The following CYFIP1 variants were observed in gnomAD, a reference collection of about 807,000 sequenced individuals.
CYFIP1 encodes the protein cytoplasmic FMR1 interacting protein 1, also known as cytoplasmic FMR1-interacting protein 1.
A neutral mutation model predicts 163.5 loss-of-function variants in CYFIP1; 58 were observed. The observed-to-expected ratio is 0.35, with a 90% CI of 0.29 to 0.44. The LOEUF (loss-of-function observed/expected upper bound fraction) is 0.44, where lower values mean the gene tolerates loss of function less well. CYFIP1 is among the 20% of genes least tolerant of loss of function. CYFIP1 has a pLI of 1.00. For missense variants in CYFIP1, 1,338 were observed against 1,653.8 expected (o/e 0.81, Z 3.31); for synonymous variants, 663 against 660.7 (o/e 1.00, Z -0.05).
At position 22,914,945 on chromosome 15, in the gene CYFIP1, T is replaced by C. The variant is rs558407174; in HGVS notation, c.1829-63A>G. 8 of 1,528,580 alleles carry C rather than the reference T, an allele frequency of 5.2e-6. No individual in the cohort carries two copies. The East Asian group carries it at 9.2e-5, about 18-fold the overall frequency. 94.7% of individuals were successfully genotyped at this position (1,528,580 alleles called of 1,614,324 possible). On this transcript the variant is annotated intron_variant, in intron 16 of 30. Transcript: ENST00000617928. ...AGCAAAAAAAAACCTTTAGCAGAGA[T>C]GACACAAGGGCTGTGTGCTGGGTGC...
rs567941001 is a variant in CYFIP1 at position 22,951,632 on chromosome 15, G to C, written c.-6-4341C>G. 3.6e-3 allele frequency: 3,995 copies of C among 1,099,972 alleles called. 40 individuals are homozygous for C. Among genetic ancestry groups the C allele is most frequent in the Non-Finnish European group, 3.2e-3 (2,684 of 835,366 alleles). The allele number at this position is 1,099,972 out of a possible 1,614,324, so 68.1% of individuals were successfully genotyped here. A position where few individuals can be genotyped will look rare whatever the true frequency, so the allele number is the denominator to read the frequency against. On this transcript the variant is annotated intron_variant, in intron 1 of 30. Transcript: ENST00000617928. ...CTGGGGGCGTGTCCAGTCATGCCCG[G>C]GCCCCACGCGGGTCAACAAGAAGAC...
At chr15:22,886,310 T>C (rs1362925284) in intron 23 of CYFIP1, among the ~76,000 whole-genome samples, 3 of 152,160 alleles carry the variant, frequency 2.0e-5, no homozygotes, top group African/African-American at 7.2e-5. Flanking sequence ...AGGACACCCC[T>C]CAGCTTGTCT....
At chr15:22,904,212 C>T (rs972039396) in intron 21 of CYFIP1, 4 of 451,806 alleles carry the variant, frequency 8.9e-6, no homozygotes, top group South Asian at 2.2e-5. Context: ...CCCATGTGCC[C>T]GCTGAGCCCC....
chr15:22,909,203 G>A lies in CYFIP1; in HGVS notation c.2379C>T (p.Thr793=). The change falls in exon 21 of 31, where the codon ACC becomes ACT. Residue 793 remains threonine, a synonymous_variant. Transcript: ENST00000617928. ...AAGTGAAATTACTTACAACTATGGA[G>A]GTCAAATCTTCACTTTCAAATCGTC... is the stretch of plus-strand genomic sequence containing the variant. ...AIGRFESEDL[T]SIVELDGLLE... is the part of the protein sequence containing the mutation. 6.2e-7 allele frequency: 1 copy of A among 1,614,100 alleles called. No individual in the cohort carries two copies. The highest frequency in any genetic ancestry group is 8.5e-7 in the Non-Finnish European group (1 of 1,179,984).
At chr15:22,877,269 G>A (rs969268098) in intron 26 of CYFIP1, among the ~76,000 whole-genome samples, 8 of 152,120 alleles carry the variant, frequency 5.3e-5, no homozygotes, top group East Asian at 1.9e-4. Context: ...GGCAACACCC[G>A]CTTCCCCTTC....
chr15:22,905,713 T>C (rs1157790525), intron 21 of CYFIP1, among the ~76,000 whole-genome samples: 10 of 149,966 alleles, frequency 6.7e-5, no homozygotes, highest in Admixed American at 6.0e-4. Flanking sequence ...GCTGGAATTA[T>C]AGGAGCGAGC....
chr15:22,933,825 G>A lies in CYFIP1; in HGVS notation c.969C>T (p.Ala323=), dbSNP rs372520278. The A allele has an allele frequency of 2.5e-6, 4 of 1,613,088 alleles. No individual in the cohort carries two copies. The highest frequency in any genetic ancestry group is 3.4e-6 in the Non-Finnish European group (4 of 1,179,658). Residue 323 remains alanine, a synonymous_variant, in exon 10 of 31, where the codon GCC becomes GCT. Coordinates refer to ENST00000617928, the MANE Select transcript of CYFIP1 (RefSeq NM_014608.6). ...ACCGAGATTTATTTTCCTCGTAGTGGGCGCTGGTCTTGATATATCTTGCCA... is the reference window on the plus strand; with the variant it reads ...ACCGAGATTTATTTTCCTCGTAGTGAGCGCTGGTCTTGATATATCTTGCCA... ...IELARYIKTS[A]HYEENKSRWT...
At chr15:22,944,483 G>T in intron 5 of CYFIP1, 75 bp downstream of exon 5, 1 of 958,014 alleles carries the variant, frequency 1.0e-6, no homozygotes, top group Non-Finnish European at 1.6e-6. Flanking sequence ...TGTTCACAGT[G>T]ACAGTGATGG....
chr15:22,939,557 T>TCAAAAA (rs1555416199), intron 6 of CYFIP1, 50 bp from the exon 7 acceptor site: 1 of 257,926 alleles, frequency 3.9e-6, no homozygotes, highest in Non-Finnish European at 6.2e-6. Flanking sequence ...GTGCCACATT[T>TCAAAAA]AAAAAAAAAA....
rs1595475974 is a variant in CYFIP1 at position 22,870,314 on chromosome 15, T to C, written c.3598-122A>G. ...TAATAGCAAACGGAATTGACACACA[T>C]ACTGTTCTTTTTGGGTTTTTTTTTG... On this transcript the variant is annotated intron_variant, in intron 30 of 30. Coordinates refer to ENST00000617928, the MANE Select transcript of CYFIP1 (RefSeq NM_014608.6). 1.9e-5 allele frequency: 23 copies of C among 1,227,650 alleles called. No homozygotes were observed. In the East Asian group the frequency reaches 5.4e-4, roughly 29 times the overall value. The allele number at this position is 1,227,650 out of a possible 1,614,324, so 76.0% of individuals were successfully genotyped here. A position where few individuals can be genotyped will look rare whatever the true frequency, so the allele number is the denominator to read the frequency against.
At chr15:22,928,589 T>C (rs1385815689) in intron 11 of CYFIP1, among the ~76,000 whole-genome samples, 1 of 152,148 alleles carries the variant, frequency 6.6e-6, no homozygotes, top group Non-Finnish European at 1.5e-5. Context: ...ACGCGTGGGC[T>C]TGGCGCACTT....
rs112995409 is a variant in CYFIP1 at position 22,967,315 on chromosome 15, G to A, written c.-7+12972C>T. ...GACGGGGCCCGACTAAGCCCTGCTG[G>A]CTGAGGGGCTCAGGACAGGTGACTT... On this transcript the variant is annotated intron_variant, in intron 1 of 30. Transcript: ENST00000617928. 8.7e-3 allele frequency among the ~76,000 whole-genome samples: 1,329 copies of A among 152,282 alleles called. 27 individuals are homozygous for A. Among genetic ancestry groups the A allele is most frequent in the African/African-American group, 0.03 (1,255 of 41,544 alleles).
intron 1 of CYFIP1, among the ~76,000 whole-genome samples, chr15:22,971,125 A>T: frequency 6.6e-6 from 1 of 152,326 alleles, no homozygotes; most frequent in East Asian, 1.9e-4. Flanking sequence ...TTCAAAACAG[A>T]TCAACGCCTA....
intron 1 of CYFIP1, among the ~76,000 whole-genome samples, chr15:22,978,352 CAAAAAAAAAAAAA>C (rs397976366): frequency 3.4e-4 from 18 of 52,764 alleles, no homozygotes; most frequent in African/African-American, 8.6e-4. Context: ...GACTCTGTCA[CAAAAAAAAAAAAA>C]AAAAAAAAAA....
At chr15:22,935,236 C>T (rs965731133) in intron 9 of CYFIP1, among the ~76,000 whole-genome samples, 6 of 152,080 alleles carry the variant, frequency 3.9e-5, no homozygotes, top group African/African-American at 1.4e-4. Flanking sequence ...GCAGTGTGGC[C>T]CTGGAGCAGG....
chr15:22,974,458 G>T (rs563595208), intron 1 of CYFIP1, among the ~76,000 whole-genome samples: 1 of 152,126 alleles, frequency 6.6e-6, no homozygotes, highest in African/African-American at 2.4e-5. Flanking sequence ...GGCCGGACAC[G>T]ATGGCTCATG....
chr15:22,917,339 G>A lies in CYFIP1; in HGVS notation c.1674+449C>T, dbSNP rs1024942431. The A allele has an allele frequency of 2.6e-5, 33 of 1,284,284 alleles. No homozygotes were observed. The African/African-American group carries it at 3.3e-4, about 13-fold the overall frequency. The allele number at this position is 1,284,284 out of a possible 1,614,324, so 79.6% of individuals were successfully genotyped here. A position where few individuals can be genotyped will look rare whatever the true frequency, so the allele number is the denominator to read the frequency against. ...GTGTGAAAGTCGTGAGAAGCACCTC[G>A]GGGAGGCCTGAACACACCAGGAGAG... On this transcript the variant is annotated intron_variant, in intron 15 of 30. Coordinates refer to ENST00000617928, the MANE Select transcript of CYFIP1 (RefSeq NM_014608.6). This position sits in a 1 kb window ranked among gnomAD's most constrained non-coding sequence, Gnocchi z 4.2.
intron 23 of CYFIP1, among the ~76,000 whole-genome samples, chr15:22,891,725 C>T (rs879362089): frequency 6.6e-6 from 1 of 152,232 alleles, no homozygotes; most frequent in Non-Finnish European, 1.5e-5. Flanking sequence ...CAAACACTTG[C>T]GCTCCTGCCA....
chr15:22,894,567 G>A (rs1000396304), intron 22 of CYFIP1, among the ~76,000 whole-genome samples: 24 of 151,546 alleles, frequency 1.6e-4, no homozygotes, highest in Admixed American at 1.4e-3. Context: ...TGGGATTACA[G>A]GCATGAGCCA....
Sources: allele counts gnomAD v4.1 joint callset (sites outside exome capture counted in the v4.1 genomes callset), GRCh38; gene constraint gnomAD v4.1.1; non-coding constraint Gnocchi (gnomAD v3.1); transcripts MANE v1.5; gene names NCBI Gene and HGNC (gene_info 2026-07-23, HGNC 2026-07-21).